CHN1: variants seen among roughly 807,000 people sequenced by gnomAD.
CHN1 encodes the protein chimerin 1.
Under a neutral mutation model 59.5 loss-of-function variants are expected in CHN1, and 37 were observed. The observed-to-expected ratio is 0.62, with a 90% CI of 0.48 to 0.82. CHN1 has a LOEUF of 0.82. CHN1 is among the 40% of genes least tolerant of loss of function. The pLI is 0.00. For missense variants in CHN1, 469 were observed against 571.0 expected (o/e 0.82, Z 1.82); for synonymous variants, 206 against 200.4 (o/e 1.03, Z -0.24).
At chr2:174,959,612 T>C (rs1396766495) in intron 1 of CHN1, among the ~76,000 whole-genome samples, 1 of 152,152 alleles carries the variant, frequency 6.6e-6, no homozygotes, top group Non-Finnish European at 1.5e-5. Context: ...CAGAAGACAC[T>C]CATAGCTCAA....
chr2:174,887,235 T>C (rs1368315510), intron 5 of CHN1, among the ~76,000 whole-genome samples: 1 of 152,214 alleles, frequency 6.6e-6, no homozygotes, highest in Non-Finnish European at 1.5e-5. Flanking sequence ...GTTTCTGGGG[T>C]TAATTAGCTT....
chr2:174,943,827 T>C (rs1305283725), intron 3 of CHN1, among the ~76,000 whole-genome samples: 1 of 152,126 alleles, frequency 6.6e-6, no homozygotes, highest in African/African-American at 2.4e-5. Flanking sequence ...ACAAATATAC[T>C]TTTCCTTTTT....
intron 4 of CHN1, among the ~76,000 whole-genome samples, chr2:174,917,944 A>G (rs1311059084): frequency 6.6e-6 from 1 of 152,128 alleles, no homozygotes; most frequent in East Asian, 1.9e-4. Context: ...ATTTTTCACA[A>G]AACAGAAAAA....
chr2:174,812,608 AGTTCTTTCTTG>A lies in CHN1; in HGVS notation c.713-137_713-127del, dbSNP rs906892276. The A allele has an allele frequency of 1.1e-5, 8 of 725,312 alleles. No individual in the cohort carries two copies. The Admixed American group carries it at 2.4e-4, about 21-fold the overall frequency. 44.9% of individuals were successfully genotyped at this position (725,312 alleles called of 1,614,324 possible). On this transcript the variant is annotated intron_variant, in intron 8 of 12. Transcript: ENST00000409900. ...GTTTTAAAGTGGACTAGACTCCAGC[AGTTCTTTCTTG>A]GTGGAAAAACAATAATTTTCATCTT...
chr2:175,004,721 G>A (rs1692004211), intron 1 of CHN1, among the ~76,000 whole-genome samples, 173 bp downstream of exon 1: 1 of 151,752 alleles, frequency 6.6e-6, no homozygotes, highest in Non-Finnish European at 1.5e-5. Context: ...GAAACAATGG[G>A]AGAGGCGCGA....
chr2:174,961,353 G>T (rs1049512708), intron 1 of CHN1, among the ~76,000 whole-genome samples: 1 of 152,088 alleles, frequency 6.6e-6, no homozygotes, highest in Non-Finnish European at 1.5e-5. Context: ...TTGGGAGGCC[G>T]ATCACCTGAG....
At position 174,858,640 on chromosome 2, in the gene CHN1, T is replaced by C. The variant is rs147338192; in HGVS notation, c.550-11683A>G. Among the ~76,000 whole-genome samples the C allele has an allele frequency of 4.6e-3, 696 of 152,272 alleles. 6 individuals carry two copies. Among genetic ancestry groups the C allele is most frequent in the African/African-American group, 0.016 (654 of 41,572 alleles). ...AAACAAACTTTTTATATCATGTCCA[T>C]AGCATTTCATTTATGAAATTCCTGT... On this transcript the variant is annotated intron_variant, in intron 6 of 12. Transcript: ENST00000409900.
At chr2:174,832,456 T>A (rs1407155356) in intron 7 of CHN1, among the ~76,000 whole-genome samples, 2 of 152,102 alleles carry the variant, frequency 1.3e-5, no homozygotes, top group Non-Finnish European at 2.9e-5. Context: ...GATATAAATT[T>A]CCTGATAAGT....
chr2:174,818,643 G>C (rs1007996983), intron 8 of CHN1, among the ~76,000 whole-genome samples: 1 of 140,348 alleles, frequency 7.1e-6, no homozygotes, highest in Middle Eastern at 3.3e-3. Flanking sequence ...TTTTTTTTAT[G>C]TTACTATTAA....
intron 3 of CHN1, among the ~76,000 whole-genome samples, chr2:174,942,394 T>C (rs1200117617): frequency 6.6e-6 from 1 of 151,992 alleles, no homozygotes; most frequent in Non-Finnish European, 1.5e-5. Context: ...TTATGTTAAA[T>C]GAAATAAGAA....
At chr2:174,876,257 T>C (rs1687559368) in intron 6 of CHN1, among the ~76,000 whole-genome samples, 1 of 152,236 alleles carries the variant, frequency 6.6e-6, no homozygotes, top group South Asian at 2.1e-4. Flanking sequence ...AGTCCCTTGG[T>C]GTTGGAAAGC....
At chr2:174,874,870 T>C (rs1218084655) in intron 6 of CHN1, among the ~76,000 whole-genome samples, 4 of 60,510 alleles carry the variant, frequency 6.6e-5, no homozygotes, top group Non-Finnish European at 1.2e-4. Context: ...TTTTTATTTA[T>C]TCTTTTTTTT....
chr2:174,926,355 C>T (rs1228738471), intron 3 of CHN1, among the ~76,000 whole-genome samples: 1 of 151,966 alleles, frequency 6.6e-6, no homozygotes, highest in Non-Finnish European at 1.5e-5. Flanking sequence ...GCACATGCCA[C>T]CACATCAAGC....
intron 5 of CHN1, among the ~76,000 whole-genome samples, chr2:174,886,743 A>T (rs889816609): frequency 1.3e-5 from 2 of 152,174 alleles, no homozygotes; most frequent in Non-Finnish European, 2.9e-5. Context: ...CACAGGCCTA[A>T]ATTTGGTCAA....
At chr2:174,902,891 T>G (rs1688433627) in intron 5 of CHN1, among the ~76,000 whole-genome samples, 1 of 152,224 alleles carries the variant, frequency 6.6e-6, no homozygotes. Flanking sequence ...AAGCTCACTT[T>G]ATAAGTCAAC....
chr2:174,847,200 C>G, intron 6 of CHN1: 1 of 1,482,138 alleles, frequency 6.7e-7, no homozygotes, highest in South Asian at 1.4e-5. Context: ...TCAGCTAACA[C>G]ATGAGCATTC....
chr2:174,839,320 T>C (rs1686207214), intron 7 of CHN1, among the ~76,000 whole-genome samples: 2 of 152,152 alleles, frequency 1.3e-5, no homozygotes, highest in African/African-American at 4.8e-5. Context: ...GGTATATATA[T>C]ACAATAGAAT....
At chr2:174,947,489 T>A (rs1428480966) in intron 2 of CHN1, among the ~76,000 whole-genome samples, 2 of 143,520 alleles carry the variant, frequency 1.4e-5, no homozygotes, top group African/African-American at 5.5e-5. Context: ...TTTTTTTAAT[T>A]TTTTTTTTTT....
intron 8 of CHN1, among the ~76,000 whole-genome samples, chr2:174,815,387 AT>A (rs761798303): frequency 5.9e-5 from 9 of 152,272 alleles, no homozygotes; most frequent in Admixed American, 2.0e-4. Context: ...CTAAAAAAAA[AT>A]AAATTAAAAA....
Sources: allele counts gnomAD v4.1 joint callset (sites outside exome capture counted in the v4.1 genomes callset), GRCh38; gene constraint gnomAD v4.1.1; transcripts MANE v1.5; gene names NCBI Gene and HGNC (gene_info 2026-07-23, HGNC 2026-07-21).